THSD7A: variants seen among roughly 807,000 people sequenced by gnomAD.
THSD7A encodes thrombospondin type-1 domain-containing protein 7A.
Under a neutral mutation model 231.3 loss-of-function variants are expected in THSD7A, and 96 were observed. The observed-to-expected ratio is 0.41, with a 90% CI of 0.35 to 0.49. The LOEUF is 0.49. THSD7A is among the 20% of genes least tolerant of loss of function. THSD7A has a pLI of 0.05. For synonymous variants in THSD7A, 940 were observed against 743.3 expected (o/e 1.26, Z -4.30); for missense variants, 2,290 against 2,070.2 (o/e 1.11, Z -2.06).
At chr7:11,691,032 G>A (rs1278830815) in intron 1 of THSD7A, among the ~76,000 whole-genome samples, 2 of 151,552 alleles carry the variant, frequency 1.3e-5, no homozygotes, top group African/African-American at 4.8e-5. Flanking sequence ...AATATAGTAA[G>A]GAACATGATT....
chr7:11,793,358 T>G (rs1784018145), intron 1 of THSD7A, among the ~76,000 whole-genome samples: 1 of 151,868 alleles, frequency 6.6e-6, no homozygotes, highest in African/African-American at 2.4e-5. Context: ...AGCTACAACA[T>G]ACAGGAACTA....
chr7:11,792,429 C>G (rs1783983458), intron 1 of THSD7A, among the ~76,000 whole-genome samples: 1 of 151,964 alleles, frequency 6.6e-6, no homozygotes, highest in Non-Finnish European at 1.5e-5. Context: ...ACGCCAAGCT[C>G]TATCTTCCTG....
intron 6 of THSD7A, among the ~76,000 whole-genome samples, chr7:11,516,212 C>T (rs1788024369): frequency 6.6e-6 from 1 of 152,052 alleles, no homozygotes; most frequent in Admixed American, 6.6e-5. Flanking sequence ...GGTTCAAACC[C>T]AAAAGCTAAA....
At chr7:11,520,087 ACCCT>A (rs1788200148) in intron 6 of THSD7A, 1 of 152,112 alleles carries the variant, frequency 6.6e-6, no homozygotes, top group South Asian at 2.1e-4. Context: ...ATTAATCTGC[ACCCT>A]CTCTGTCAAA....
At chr7:11,568,131 G>A (rs1005978534) in intron 4 of THSD7A, among the ~76,000 whole-genome samples, 9 of 151,752 alleles carry the variant, frequency 5.9e-5, no homozygotes, top group Non-Finnish European at 1.0e-4. Context: ...ATTACTTTTC[G>A]TTAAAACTTT....
chr7:11,464,881 T>C lies in THSD7A; in HGVS notation c.2369-2738A>G, dbSNP rs561235142. On this transcript the variant is annotated intron_variant, in intron 9 of 27. Transcript: ENST00000423059. ...TATTGCAGTTAAGAAATTGCTTGTGTACTCAAAGTTACAGCGCTGTAGAGC... is the reference window on the plus strand; with the variant it reads ...TATTGCAGTTAAGAAATTGCTTGTGCACTCAAAGTTACAGCGCTGTAGAGC... Among the ~76,000 whole-genome samples the C allele has an allele frequency of 6.6e-5, 10 of 152,294 alleles. No individual in the cohort carries two copies. The South Asian group carries it at 1.9e-3, about 28-fold the overall frequency.
chr7:11,777,107 G>C (rs1467631472), intron 1 of THSD7A, among the ~76,000 whole-genome samples: 2 of 152,148 alleles, frequency 1.3e-5, no homozygotes, highest in Non-Finnish European at 2.9e-5. Flanking sequence ...CAGAGATAAT[G>C]TGCGAGCGAA....
At position 11,632,681 on chromosome 7, in the gene THSD7A, A is replaced by G. The variant is rs1781694847; in HGVS notation, c.1022+3449T>C. Reference sequence around the variant, plus strand: ...AAAGAGAATGCTTCTAATGTTTCACAGTTGAGCACCGTCCCAGCTTTCAGT... The same window carrying G: ...AAAGAGAATGCTTCTAATGTTTCACGGTTGAGCACCGTCCCAGCTTTCAGT... On this transcript the variant is annotated intron_variant, in intron 2 of 27. Transcript: ENST00000423059. The surrounding 1 kb of genome is among the most constrained non-coding windows in gnomAD (Gnocchi z 4.1). Among the ~76,000 whole-genome samples the G allele has an allele frequency of 6.6e-6, 1 of 152,188 alleles. No individual in the cohort carries two copies. The highest frequency in any genetic ancestry group is 1.5e-5 in the Non-Finnish European group (1 of 68,044).
chr7:11,507,222 T>A (rs1787582673), intron 6 of THSD7A, among the ~76,000 whole-genome samples: 1 of 152,178 alleles, frequency 6.6e-6, no homozygotes, highest in African/African-American at 2.4e-5. Flanking sequence ...TGCATTGTAT[T>A]AGGGATACTC....
intron 1 of THSD7A, among the ~76,000 whole-genome samples, chr7:11,689,437 C>T (rs1270111456): frequency 6.6e-6 from 1 of 151,808 alleles, no homozygotes; most frequent in Admixed American, 6.6e-5. Flanking sequence ...TTGGCCTTGT[C>T]ATATTCTACA....
At chr7:11,619,923 C>T (rs1781248078) in intron 2 of THSD7A, among the ~76,000 whole-genome samples, 1 of 152,036 alleles carries the variant, frequency 6.6e-6, no homozygotes, top group African/African-American at 2.4e-5. Context: ...CCTGATAAAA[C>T]ATGTCTCTAT....
intron 1 of THSD7A, among the ~76,000 whole-genome samples, chr7:11,769,997 G>T (rs1526518): frequency 0.19 from 28,517 of 151,814 alleles, 2,889 homozygotes; most frequent in South Asian, 0.26. Flanking sequence ...AAAGACAAAT[G>T]TTAGAAGCTG....
intron 23 of THSD7A, among the ~76,000 whole-genome samples, chr7:11,394,220 C>G (rs1783094260): frequency 6.6e-6 from 1 of 152,068 alleles, no homozygotes. Flanking sequence ...ATTCAACATT[C>G]TTAAAGAATT....
intron 7 of THSD7A, among the ~76,000 whole-genome samples, chr7:11,481,091 A>C (rs1274372231): frequency 6.6e-6 from 1 of 152,204 alleles, no homozygotes; most frequent in East Asian, 1.9e-4. Context: ...ACCCAGTCAC[A>C]CAGAAGCCAA....
chr7:11,391,661 T>C (rs1249474776), intron 23 of THSD7A, among the ~76,000 whole-genome samples: 2 of 152,108 alleles, frequency 1.3e-5, no homozygotes, highest in African/African-American at 4.8e-5. Flanking sequence ...CATTGGGGTA[T>C]GAAAAAAAGC....
rs1783830017 is a variant in THSD7A at position 11,412,786 on chromosome 7, G to A, written c.3552C>T (p.Ser1184=). ...GATCAGCTGACCTTTGCCGGAAACTGCTTTGATTGCAAGGCTTAAAAAGAA... is the reference window on the plus strand; with the variant it reads ...GATCAGCTGACCTTTGCCGGAAACTACTTTGATTGCAAGGCTTAAAAAGAA... The part of the protein sequence containing the change: ...WTQCVLPCNQ[S]SFRQRSADPI... The change falls in exon 18 of 28, where the codon AGC becomes AGT. Residue 1184 remains serine (S), a synonymous_variant. Coordinates refer to ENST00000423059, the MANE Select transcript of THSD7A (RefSeq NM_015204.3). 3 of 1,612,150 alleles carry A rather than the reference G, an allele frequency of 1.9e-6. No homozygotes were observed. Among genetic ancestry groups the A allele is most frequent in the Non-Finnish European group, 1.7e-6 (2 of 1,178,930 alleles).
intron 23 of THSD7A, among the ~76,000 whole-genome samples, chr7:11,397,376 G>A (rs756364449): frequency 5.3e-5 from 8 of 152,172 alleles, no homozygotes; most frequent in Admixed American, 2.0e-4. Context: ...AACTGAAACC[G>A]GACCCCTTCC....
chr7:11,623,743 CAT>C (rs775487848), intron 2 of THSD7A, among the ~76,000 whole-genome samples: 13 of 152,146 alleles, frequency 8.5e-5, no homozygotes, highest in Admixed American at 5.9e-4. Context: ...ACAGTGAAAA[CAT>C]GTGTCTAGGT....
At chr7:11,488,097 A>G (rs972693525) in intron 6 of THSD7A, among the ~76,000 whole-genome samples, 6 of 152,194 alleles carry the variant, frequency 3.9e-5, no homozygotes, top group Non-Finnish European at 7.3e-5. Flanking sequence ...CAGAGCCAAG[A>G]TTAAAAAGCA....
Sources: allele counts gnomAD v4.1 joint callset (sites outside exome capture counted in the v4.1 genomes callset), GRCh38; gene constraint gnomAD v4.1.1; non-coding constraint Gnocchi (gnomAD v3.1); transcripts MANE v1.5; gene names NCBI Gene and HGNC (gene_info 2026-07-23, HGNC 2026-07-21).